Variants in DENND1A observed in about 807,000 individuals in gnomAD.
DENND1A encodes DENN domain containing 1A, also known as DENN domain-containing protein 1A.
A neutral mutation model predicts 113.7 loss-of-function variants in DENND1A; 51 were observed. The ratio of observed to expected loss-of-function variants is 0.45; its 90% CI spans 0.36 to 0.57. The LOEUF (loss-of-function observed/expected upper bound fraction) is 0.57, where lower values mean the gene tolerates loss of function less well. Among genes scored for constraint, DENND1A ranks in the 20% least tolerant of loss-of-function variants. The probability of loss-of-function intolerance (pLI) is 0.00; values close to 1 mark genes in which losing one functional copy is unlikely to be tolerated. For synonymous variants in DENND1A, 565 were observed against 570.8 expected (o/e 0.99, Z 0.14); for missense variants, 1,258 against 1,395.9 (o/e 0.90, Z 1.57).
At chr9:123,636,868 G>A (rs568103046) in intron 9 of DENND1A, among the ~76,000 whole-genome samples, 27 of 151,860 alleles carry the variant, frequency 1.8e-4, no homozygotes, top group African/African-American at 4.6e-4. Flanking sequence ...AGCTAATTTT[G>A]TATTTTTAAT....
chr9:123,416,853 CA>C (rs1197703810), intron 19 of DENND1A, among the ~76,000 whole-genome samples: 4 of 152,282 alleles, frequency 2.6e-5, no homozygotes, highest in East Asian at 3.9e-4. Context: ...GGGCCAGGAC[CA>C]GGGGGATTCA....
intron 3 of DENND1A, among the ~76,000 whole-genome samples, chr9:123,788,021 C>A (rs2131972491): frequency 6.6e-6 from 1 of 152,228 alleles, no homozygotes; most frequent in South Asian, 2.1e-4. Flanking sequence ...CTGGACCACT[C>A]TTTAAAGGGC....
chr9:123,608,864 G>C (rs572866736), intron 11 of DENND1A, among the ~76,000 whole-genome samples: 3 of 152,122 alleles, frequency 2.0e-5, no homozygotes, highest in African/African-American at 4.8e-5. Context: ...ACTGAGAGTA[G>C]ATAAAAACAT....
chr9:123,651,411 C>T (rs184147365), intron 9 of DENND1A, among the ~76,000 whole-genome samples: 6 of 152,260 alleles, frequency 3.9e-5, no homozygotes, highest in African/African-American at 7.2e-5. Context: ...CGCACATGCG[C>T]GCACACACAC....
chr9:123,530,099 C>T (rs145689005), intron 13 of DENND1A, among the ~76,000 whole-genome samples: 286 of 152,032 alleles, frequency 1.9e-3, no homozygotes, highest in Non-Finnish European at 3.0e-3. Flanking sequence ...TGGGAAATGC[C>T]GACATGTTTA....
At chr9:123,545,243 A>C (rs2056581625) in intron 13 of DENND1A, among the ~76,000 whole-genome samples, 1 of 152,144 alleles carries the variant, frequency 6.6e-6, no homozygotes, top group South Asian at 2.1e-4. Flanking sequence ...TTCTTGTGGA[A>C]GGGTAGCCTA....
intron 3 of DENND1A, among the ~76,000 whole-genome samples, chr9:123,791,957 T>C (rs897135508): frequency 1.3e-5 from 2 of 152,182 alleles, no homozygotes; most frequent in Admixed American, 6.6e-5. Context: ...CTAGAACTAA[T>C]TATAAAAAAT....
intron 18 of DENND1A, among the ~76,000 whole-genome samples, chr9:123,441,044 G>C (rs1244687298): frequency 6.6e-6 from 1 of 151,976 alleles, no homozygotes; most frequent in Non-Finnish European, 1.5e-5. Flanking sequence ...GATATATACT[G>C]CAGTTTTTCT....
intron 5 of DENND1A, among the ~76,000 whole-genome samples, chr9:123,731,819 A>AT: frequency 6.6e-6 from 1 of 152,240 alleles, no homozygotes; most frequent in South Asian, 2.1e-4. Flanking sequence ...TGATTTGCAA[A>AT]TCATATATCT....
chr9:123,722,527 G>A (rs2067414119), intron 5 of DENND1A, among the ~76,000 whole-genome samples: 2 of 152,120 alleles, frequency 1.3e-5, no homozygotes. Flanking sequence ...AGGTTTAGGA[G>A]GAAAAAATGG....
intron 2 of DENND1A, among the ~76,000 whole-genome samples, chr9:123,813,264 G>C (rs1410994744): frequency 1.3e-5 from 2 of 152,102 alleles, no homozygotes; most frequent in Non-Finnish European, 2.9e-5. Context: ...ATCTGGCTTT[G>C]TTTGTGCTTT....
intron 2 of DENND1A, among the ~76,000 whole-genome samples, chr9:123,797,491 C>T (rs780003685): frequency 1.3e-5 from 2 of 152,190 alleles, no homozygotes; most frequent in African/African-American, 4.8e-5. Context: ...TCTTTTAATC[C>T]TCAAGAAGAA....
intron 2 of DENND1A, among the ~76,000 whole-genome samples, chr9:123,850,222 T>A (rs1441700960): frequency 2.0e-5 from 3 of 152,210 alleles, no homozygotes; most frequent in Non-Finnish European, 4.4e-5. Flanking sequence ...AGTCAATCAA[T>A]GCAGCAAACT....
intron 2 of DENND1A, among the ~76,000 whole-genome samples, chr9:123,817,770 T>C (rs1016824357): frequency 6.6e-6 from 1 of 152,156 alleles, no homozygotes; most frequent in Non-Finnish European, 1.5e-5. Flanking sequence ...CTCATGCCTG[T>C]AATCCCAGTA....
intron 11 of DENND1A, among the ~76,000 whole-genome samples, chr9:123,602,432 A>G (rs2059974871): frequency 6.6e-6 from 1 of 152,166 alleles, no homozygotes; most frequent in South Asian, 2.1e-4. Flanking sequence ...CTGTGGATGC[A>G]GAGCGCCAAT....
chr9:123,603,905 G>A (rs545108894), intron 11 of DENND1A, among the ~76,000 whole-genome samples: 1 of 152,256 alleles, frequency 6.6e-6, no homozygotes, highest in East Asian at 1.9e-4. Flanking sequence ...TGTTTTTGAT[G>A]TGTAATTTCC....
intron 18 of DENND1A, among the ~76,000 whole-genome samples, chr9:123,450,268 G>A (rs1292287205): frequency 6.6e-6 from 1 of 152,194 alleles, no homozygotes; most frequent in Non-Finnish European, 1.5e-5. Flanking sequence ...TCTGGGCGGT[G>A]GCCACGTGCA....
intron 2 of DENND1A, among the ~76,000 whole-genome samples, chr9:123,829,706 T>C (rs1024268399): frequency 6.6e-5 from 10 of 152,090 alleles, no homozygotes; most frequent in African/African-American, 2.4e-4. Flanking sequence ...TAATAACTAT[T>C]AAATACAGGG....
chr9:123,715,214 T>A (rs2066896397), intron 5 of DENND1A, among the ~76,000 whole-genome samples: 1 of 152,060 alleles, frequency 6.6e-6, no homozygotes, highest in African/African-American at 2.4e-5. Flanking sequence ...AAAATAAATG[T>A]TTTGTTTACA....
Sources: allele counts gnomAD v4.1 joint callset (sites outside exome capture counted in the v4.1 genomes callset), GRCh38; gene constraint gnomAD v4.1.1; transcripts MANE v1.5; gene names NCBI Gene and HGNC (gene_info 2026-07-23, HGNC 2026-07-21).